Variants in CCAR1 observed in about 807,000 individuals in gnomAD.
CCAR1 encodes cell division cycle and apoptosis regulator 1, also known as cell division cycle and apoptosis regulator protein 1.
Under a neutral mutation model 163.8 loss-of-function variants are expected in CCAR1, and 78 were observed. The observed-to-expected ratio is 0.48, with a 90% CI of 0.40 to 0.57. The LOEUF (loss-of-function observed/expected upper bound fraction) is 0.57. CCAR1 is among the 20% of genes least tolerant of loss of function. The pLI, the probability that CCAR1 is intolerant of heterozygous loss-of-function variation, is 0.00. For missense variants in CCAR1, 1,019 were observed against 1,365.2 expected, an observed-to-expected ratio of 0.75 and a Z score of 4.00; for synonymous variants, 443 against 460.7, an observed-to-expected ratio of 0.96 and a Z score of 0.49.
Position 68,777,656 on chromosome 10 carries a change from C to T in CCAR1, c.2650+4557C>T, listed in dbSNP as rs969858497. 3.4e-4 allele frequency among the ~76,000 whole-genome samples: 51 copies of T among 151,668 alleles called. 1 individual carries two copies. Among genetic ancestry groups the T allele is most frequent in the Admixed American group, 3.2e-3 (49 of 15,188 alleles). On this transcript the variant is annotated intron_variant, in intron 19 of 24. Transcript: ENST00000265872. ...CTGAGATTGCACTACTGCACTCCAG[C>T]CTGGGTGACAGAGCAAGACTCCGTC...
At chr10:68,747,312 G>A in intron 7 of CCAR1, 37 bp downstream of exon 7, 1 of 1,581,848 alleles carries the variant, frequency 6.3e-7, no homozygotes, top group Non-Finnish European at 8.6e-7. Flanking sequence ...ATAGAAGCTT[G>A]GTAAATGAGT....
At chr10:68,751,423 G>T (rs1028196445) in intron 10 of CCAR1, among the ~76,000 whole-genome samples, 1 of 152,084 alleles carries the variant, frequency 6.6e-6, no homozygotes, top group South Asian at 2.1e-4. Flanking sequence ...GAAACCAGTC[G>T]AAACCAAAAC....
intron 24 of CCAR1, 110 bp downstream of exon 24, chr10:68,790,025 A>C (rs2056836237): frequency 1.5e-6 from 1 of 664,538 alleles, no homozygotes; most frequent in Admixed American, 3.6e-5. Context: ...AAAAGCAAAT[A>C]ATGATAGCAT....
rs1289711639 is a variant in CCAR1, at chr10:68,722,537, A to G, written c.33A>G (p.Pro11=). The change falls in exon 2 of 25, where the codon CCA becomes CCG. Residue 11 remains proline, a synonymous_variant. Transcript: ENST00000265872. ...AATTTGGAGGACAGAAGAATCCGCCATGGGCTACTCAGTTTACAGCCACTG... is the reference window on the plus strand; with the variant it reads ...AATTTGGAGGACAGAAGAATCCGCCGTGGGCTACTCAGTTTACAGCCACTG... MAQFGGQKNP[P]WATQFTATAV... The G allele has an allele frequency of 1.2e-6, 2 of 1,614,034 alleles. No individual in the cohort carries two copies. Among genetic ancestry groups the G allele is most frequent in the South Asian group, 1.1e-5 (1 of 91,086 alleles).
rs769177445 is a variant in CCAR1, at chr10:68,747,223, C to G, written c.581C>G (p.Pro194Arg). The change falls in exon 7 of 25, where the codon CCT becomes CGT. Residue 194 changes from proline (P) to arginine (R), a missense_variant. This residue lies in a region of CCAR1 where 644 missense variants were observed against 904.4 expected (regional missense o/e 0.71). Transcript: ENST00000265872. ...GTATTGGTTGAAGCTACTTATAATCCTAATATGCCTTTTAAATGGAATGCA... is the reference window on the plus strand; with the variant it reads ...GTATTGGTTGAAGCTACTTATAATCGTAATATGCCTTTTAAATGGAATGCA... ...DRVLVEATYN[P>R]NMPFKWNAQR... 2 of 1,611,792 alleles carry G rather than the reference C, an allele frequency of 1.2e-6. No individual in the cohort carries two copies. The highest frequency in any genetic ancestry group is 2.2e-5 in the East Asian group (1 of 44,810).
At position 68,789,747 on chromosome 10, in the gene CCAR1, C is replaced by G; in HGVS notation, c.3225C>G (p.Ser1075=). 1 of 1,584,782 alleles carries G rather than the reference C, an allele frequency of 6.3e-7. No individual in the cohort carries two copies. Among genetic ancestry groups the G allele is most frequent in the South Asian group, 1.2e-5 (1 of 83,794 alleles). Residue 1075 remains serine, a synonymous_variant, in exon 24 of 25, where the codon TCC becomes TCG. Coordinates refer to ENST00000265872, the MANE Select transcript of CCAR1 (RefSeq NM_018237.4). ...AAACCATATTAAATTTGGAGAATTC[C>G]AACAAAAGCCTCTCTGGTGAACTCA... ...DEKTILNLEN[S]NKSLSGELRE...
At chr10:68,737,666 AT>A (rs2056129383) in intron 3 of CCAR1, among the ~76,000 whole-genome samples, 178 bp from the exon 4 acceptor site, 1 of 151,750 alleles carries the variant, frequency 6.6e-6, no homozygotes, top group Admixed American at 6.6e-5. Context: ...GTTCCAGAAA[AT>A]TTATCTTTAT....
chr10:68,724,035 G>A (rs1589149724), intron 2 of CCAR1, among the ~76,000 whole-genome samples: 1 of 151,816 alleles, frequency 6.6e-6, no homozygotes, highest in Non-Finnish European at 1.5e-5. Context: ...GTGCATGCCT[G>A]TAATCCTAAC....
rs780044370 is a variant in CCAR1, at chr10:68,755,525, G to C, written c.1614G>C (p.Val538=). 6.2e-7 allele frequency: 1 copy of C among 1,613,106 alleles called. No homozygotes were observed. Among genetic ancestry groups the C allele is most frequent in the Non-Finnish European group, 8.5e-7 (1 of 1,179,402 alleles). The change falls in exon 13 of 25, where the codon GTG becomes GTC. Residue 538 remains valine, a synonymous_variant. Coordinates refer to ENST00000265872, the MANE Select transcript of CCAR1 (RefSeq NM_018237.4). ...CKALTGIDLS[V]CTQWYRFAEI... ...CTCTGACAGGCATTGATCTAAGTGT[G>C]TGCACACAATGGTAAGTACTAATTC...
intron 19 of CCAR1, chr10:68,774,809 C>T (rs187991678): frequency 1.3e-4 from 41 of 316,618 alleles, no homozygotes; most frequent in African/African-American, 8.0e-4. Context: ...ATGCTCTGAC[C>T]GTAGACATCA....
chr10:68,722,033 C>T (rs2055866753), intron 1 of CCAR1, among the ~76,000 whole-genome samples: 1 of 152,070 alleles, frequency 6.6e-6, no homozygotes, highest in African/African-American at 2.4e-5. Flanking sequence ...GGTCTTGTCC[C>T]AGTATCCGTT....
chr10:68,726,127 A>AG (rs2055941433), intron 2 of CCAR1, among the ~76,000 whole-genome samples: 2 of 147,802 alleles, frequency 1.4e-5, no homozygotes, highest in Non-Finnish European at 3.0e-5. Context: ...AAAAAAAAAA[A>AG]AAAAAAGAAA....
At chr10:68,737,456 T>C (rs74581077) in intron 3 of CCAR1, among the ~76,000 whole-genome samples, 2 of 147,510 alleles carry the variant, frequency 1.4e-5, no homozygotes, top group Non-Finnish European at 3.0e-5. Context: ...TGAACTGAGA[T>C]TACACCACTG....
intron 19 of CCAR1, among the ~76,000 whole-genome samples, chr10:68,774,501 C>T (rs1477809438): frequency 1.3e-5 from 2 of 151,642 alleles, no homozygotes; most frequent in Non-Finnish European, 1.5e-5. Context: ...TAGCCGGGCA[C>T]GCGCCTGTAA....
At position 68,761,088 on chromosome 10, in the gene CCAR1, A is replaced by G; in HGVS notation, c.2002A>G (p.Lys668Glu). The G allele has an allele frequency of 1.9e-6, 3 of 1,611,876 alleles. No homozygotes were observed. The highest frequency in any genetic ancestry group is 2.5e-6 in the Non-Finnish European group (3 of 1,178,768). ...ATCCCAGTTAATAGCCCGATTGACA[A>G]AACAGCTTAAAGTAGAGGAACAAAA... ...LKSQLIARLT[K>E]QLKVEEQKEE... Residue 668 changes from lysine (K) to glutamate (E), a missense_variant, in exon 16 of 25, where the codon AAA becomes GAA. By Grantham distance (56) the Lys-to-Glu change is moderately conservative. Coordinates refer to ENST00000265872, the MANE Select transcript of CCAR1 (RefSeq NM_018237.4).
chr10:68,751,805 A>G (rs995112774), intron 10 of CCAR1, among the ~76,000 whole-genome samples: 2 of 151,770 alleles, frequency 1.3e-5, no homozygotes, highest in Non-Finnish European at 2.9e-5. Context: ...CAGAGATTGC[A>G]GTGTGCCGAG....
chr10:68,734,487 CCTTTTTTTTTTCTTTTTT>C (rs1388538840), intron 2 of CCAR1, among the ~76,000 whole-genome samples: 2 of 151,650 alleles, frequency 1.3e-5, no homozygotes, highest in African/African-American at 4.8e-5. Flanking sequence ...GATTCCATTT[CCTTTTTTTTTTCTTTTTT>C]CTTTTTTTGG....
In CCAR1 at chr10:68,756,776, T is replaced by C. The variant is rs2056401080; in HGVS notation, c.1836+293T>C. 4.4e-6 allele frequency: 2 copies of C among 454,962 alleles called. No individual in the cohort carries two copies. The highest frequency in any genetic ancestry group is 8.1e-6 in the Non-Finnish European group (2 of 247,982). The allele number at this position is 454,962 out of a possible 1,614,324, so 28.2% of individuals were successfully genotyped here. A position where few individuals can be genotyped will look rare whatever the true frequency, so the allele number is the denominator to read the frequency against. On this transcript the variant is annotated intron_variant, in intron 14 of 24. Transcript: ENST00000265872. The surrounding 1 kb of genome is among the most constrained non-coding windows in gnomAD (Gnocchi z 5.1). ...GTTGCTGGAATCTGGGACCAGTTGT[T>C]GAACAAGATTCAGTATTAAGCCATT... is the stretch of plus-strand genomic sequence containing the variant.
chr10:68,733,856 G>A (rs1392901106), intron 2 of CCAR1, among the ~76,000 whole-genome samples: 1 of 152,020 alleles, frequency 6.6e-6, no homozygotes, highest in Non-Finnish European at 1.5e-5. Flanking sequence ...TAGAGACAAG[G>A]TTTCACCATG....
Sources: allele counts gnomAD v4.1 joint callset (sites outside exome capture counted in the v4.1 genomes callset), GRCh38; gene constraint gnomAD v4.1.1; regional missense constraint gnomAD v4.1.1; non-coding constraint Gnocchi (gnomAD v3.1); transcripts MANE v1.5; gene names NCBI Gene and HGNC (gene_info 2026-07-23, HGNC 2026-07-21).